NREP: variants seen among roughly 807,000 people sequenced by gnomAD.
The protein encoded by NREP is neuronal regeneration related protein.
In NREP, 5 loss-of-function variants were observed where a neutral mutation model predicts 8.6. The observed-to-expected ratio is 0.58, with a 90% CI of 0.30 to 1.22. The LOEUF is 1.22. Among genes scored for constraint, NREP ranks in the 50% most tolerant of loss-of-function variants. The pLI is 0.07. For missense variants in NREP, 86 were observed against 82.5 expected, an observed-to-expected ratio of 1.04 and a Z score of -0.17; for synonymous variants, 27 against 28.0, an observed-to-expected ratio of 0.96 and a Z score of 0.11.
chr5:111,952,754 G>A (rs1756196196), intron 2 of NREP, among the ~76,000 whole-genome samples: 1 of 152,120 alleles, frequency 6.6e-6, no homozygotes, highest in African/African-American at 2.4e-5. Flanking sequence ...TTGTATCAAT[G>A]TCAATCTCTT....
At chr5:111,803,416 C>G (rs999616906) in intron 2 of NREP, among the ~76,000 whole-genome samples, 1 of 152,178 alleles carries the variant, frequency 6.6e-6, no homozygotes, top group Non-Finnish European at 1.5e-5. Flanking sequence ...AATGCACATT[C>G]ACTAGACAGC....
At chr5:111,825,116 T>G (rs1050235543) in intron 2 of NREP, among the ~76,000 whole-genome samples, 2 of 152,198 alleles carry the variant, frequency 1.3e-5, no homozygotes, top group African/African-American at 2.4e-5. Flanking sequence ...TAAACTGCTT[T>G]CATATTCTGT....
rs138929593 is a variant in NREP at position 111,961,540 on chromosome 5, T to A, written c.135+13734A>T. Among the ~76,000 whole-genome samples the A allele has an allele frequency of 8.5e-5, 13 of 152,320 alleles. No individual in the cohort carries two copies. In the East Asian group the frequency reaches 2.3e-3, roughly 27 times the overall value. The stretch of plus-strand genomic sequence containing the variant: ...TATTCTAGTTTCATTTAAGACTGTT[T>A]TCTGTTCACTCAACTTCAAAGGGTT... On this transcript the variant is annotated intron_variant, in intron 2 of 3. Coordinates refer to the NREP transcript ENST00000395634.
At chr5:111,920,055 A>G (rs1224163183) in intron 2 of NREP, among the ~76,000 whole-genome samples, 1 of 148,952 alleles carries the variant, frequency 6.7e-6, no homozygotes, top group Non-Finnish European at 1.5e-5. Flanking sequence ...ATACCCTTGG[A>G]AGGTCATACT....
chr5:111,943,219 T>A (rs990073127), intron 2 of NREP, among the ~76,000 whole-genome samples: 3 of 152,070 alleles, frequency 2.0e-5, no homozygotes, highest in Admixed American at 1.3e-4. Context: ...TAATAATAGC[T>A]AACATTTTTG....
At chr5:111,739,963 A>C (rs1749504928) in intron 2 of NREP, among the ~76,000 whole-genome samples, 1 of 152,092 alleles carries the variant, frequency 6.6e-6, no homozygotes, top group Non-Finnish European at 1.5e-5. Flanking sequence ...CTATTAGAAA[A>C]TCAGAAAAGC....
intron 2 of NREP, among the ~76,000 whole-genome samples, chr5:111,779,843 C>A (rs1183080075): frequency 6.6e-6 from 1 of 152,224 alleles, no homozygotes; most frequent in Non-Finnish European, 1.5e-5. Flanking sequence ...AAGAACATAG[C>A]TTACCTATTA....
intron 2 of NREP, among the ~76,000 whole-genome samples, chr5:111,946,976 C>T (rs912360216): frequency 6.6e-6 from 1 of 152,070 alleles, no homozygotes; most frequent in Non-Finnish European, 1.5e-5. Flanking sequence ...CTCCTCACAA[C>T]TATTCCAATG....
chr5:111,733,542 T>G (rs1227329297), intron 3 of NREP: 3 of 151,766 alleles, frequency 2.0e-5, no homozygotes, highest in Admixed American at 1.3e-4. Context: ...CTGCCCCAAC[T>G]AAAGGAATTT....
intron 2 of NREP, among the ~76,000 whole-genome samples, chr5:111,828,088 T>C (rs1157010895): frequency 3.9e-5 from 6 of 151,952 alleles, no homozygotes. Flanking sequence ...TGGAGTGCAA[T>C]GGCACGATCT....
chr5:111,969,742 T>C (rs1171714255), intron 2 of NREP, among the ~76,000 whole-genome samples: 1 of 152,174 alleles, frequency 6.6e-6, no homozygotes, highest in Non-Finnish European at 1.5e-5. Flanking sequence ...TTACATATAC[T>C]GTAGGTTGGA....
At chr5:111,895,735 C>G (rs912642327) in intron 2 of NREP, among the ~76,000 whole-genome samples, 13 of 152,116 alleles carry the variant, frequency 8.5e-5, no homozygotes, top group African/African-American at 2.9e-4. Flanking sequence ...TCCTTAGCCT[C>G]TACCCAATGA....
At chr5:111,953,880 G>T (rs149100722) in intron 2 of NREP, among the ~76,000 whole-genome samples, 140 of 152,250 alleles carry the variant, frequency 9.2e-4, no homozygotes, top group African/African-American at 3.3e-3. Context: ...GAAGTGTATT[G>T]AAATAATTAC....
At chr5:111,777,089 A>G (rs903330588) in intron 2 of NREP, among the ~76,000 whole-genome samples, 7 of 152,030 alleles carry the variant, frequency 4.6e-5, no homozygotes, top group African/African-American at 1.7e-4. Context: ...TACCCATATA[A>G]ATAATCTCCA....
chr5:111,731,668 G>A (rs1222030122), intron 3 of NREP: 1 of 152,422 alleles, frequency 6.6e-6, no homozygotes, highest in African/African-American at 2.4e-5. Flanking sequence ...GTGGGGGCTA[G>A]TGGGGAAACC....
At chr5:111,877,892 A>C (rs1753949846) in intron 2 of NREP, among the ~76,000 whole-genome samples, 1 of 152,226 alleles carries the variant, frequency 6.6e-6, no homozygotes. Flanking sequence ...ACATAGGGCC[A>C]CACTGGAGTA....
chr5:111,838,888 T>C (rs1316467646), intron 2 of NREP, among the ~76,000 whole-genome samples: 5 of 152,082 alleles, frequency 3.3e-5, no homozygotes, highest in African/African-American at 1.2e-4. Context: ...CTAAAGGACA[T>C]GTTGGAGACA....
At chr5:111,745,899 C>A (rs1218366108) in intron 2 of NREP, among the ~76,000 whole-genome samples, 3 of 152,068 alleles carry the variant, frequency 2.0e-5, no homozygotes, top group African/African-American at 7.2e-5. Context: ...CCAGCCAGTT[C>A]TAAAGATGGA....
chr5:111,817,261 T>C (rs1752404173), intron 2 of NREP, among the ~76,000 whole-genome samples: 1 of 152,214 alleles, frequency 6.6e-6, no homozygotes, highest in African/African-American at 2.4e-5. Flanking sequence ...CTTTATCTTT[T>C]ATTAATTTTA....
Sources: allele counts gnomAD v4.1 joint callset (sites outside exome capture counted in the v4.1 genomes callset), GRCh38; gene constraint gnomAD v4.1.1; transcripts MANE v1.5; gene names NCBI Gene and HGNC (gene_info 2026-07-23, HGNC 2026-07-21).